The following QTMAN variants were observed in gnomAD, a reference collection of about 807,000 sequenced individuals.
QTMAN encodes the protein tRNA-queuosine alpha-mannosyltransferase.
At chr2:144,059,287 A>C in the QTMAN span, among the ~76,000 whole-genome samples, 8 of 152,130 alleles carry the variant, frequency 5.3e-5, no homozygotes, top group Admixed American at 5.2e-4. Flanking sequence ...CAACTCCTAC[A>C]CATCCTTTAA....
the QTMAN span, among the ~76,000 whole-genome samples, chr2:143,953,701 C>T: frequency 1.9e-3 from 290 of 151,844 alleles, no homozygotes; most frequent in Non-Finnish European, 3.6e-3. Context: ...TTTCTGTTGG[C>T]TAGAAATTAT....
the QTMAN span, among the ~76,000 whole-genome samples, chr2:144,046,478 T>C: frequency 1.3e-5 from 2 of 152,202 alleles, no homozygotes; most frequent in Non-Finnish European, 2.9e-5. Context: ...CTCAAACCCC[T>C]GGGCTCAAGC....
At chr2:144,140,116 A>T in the QTMAN span, among the ~76,000 whole-genome samples, 11 of 152,110 alleles carry the variant, frequency 7.2e-5, no homozygotes, top group Admixed American at 1.3e-4. Context: ...GGTTGCATAA[A>T]GCAAATTACC....
the QTMAN span, chr2:143,952,639 A>G: frequency 2.8e-6 from 2 of 702,062 alleles, no homozygotes; most frequent in Non-Finnish European, 5.1e-6. Flanking sequence ...AACACATAAA[A>G]TTTTCCTTAA....
chr2:144,299,349 T>C, the QTMAN span, among the ~76,000 whole-genome samples: 1 of 152,206 alleles, frequency 6.6e-6, no homozygotes, highest in Non-Finnish European at 1.5e-5. Context: ...AAACCAGCTT[T>C]CTATAATTCT....
the QTMAN span, among the ~76,000 whole-genome samples, chr2:144,284,632 T>C: frequency 6.6e-6 from 1 of 152,164 alleles, no homozygotes; most frequent in Non-Finnish European, 1.5e-5. Context: ...ATTAGCATTT[T>C]CCACTAAATA....
At chr2:144,214,710 T>C in the QTMAN span, among the ~76,000 whole-genome samples, 4 of 152,206 alleles carry the variant, frequency 2.6e-5, no homozygotes, top group African/African-American at 9.6e-5. Context: ...TTGTAGAGAC[T>C]AAGAACTGAG....
At chr2:144,169,199 T>C in the QTMAN span, among the ~76,000 whole-genome samples, 1 of 152,152 alleles carries the variant, frequency 6.6e-6, no homozygotes, top group African/African-American at 2.4e-5. Context: ...GACCATTTAA[T>C]GGTCCAAGCA....
At chr2:143,997,761 A>G in the QTMAN span, among the ~76,000 whole-genome samples, 1 of 152,054 alleles carries the variant, frequency 6.6e-6, no homozygotes, top group Admixed American at 6.6e-5. Flanking sequence ...TGCATATAAG[A>G]TTTTTTTAAA....
chr2:144,023,407 C>A, the QTMAN span, among the ~76,000 whole-genome samples: 3 of 152,290 alleles, frequency 2.0e-5, no homozygotes, highest in South Asian at 6.2e-4. Flanking sequence ...CATGCAAACT[C>A]AAATCTCTGC....
At chr2:144,134,791 T>G in the QTMAN span, among the ~76,000 whole-genome samples, 40,382 of 152,052 alleles carry the variant, frequency 0.27, 6,518 homozygotes, top group East Asian at 0.38. Flanking sequence ...CTTAAACTCC[T>G]AAGGATATAG....
At chr2:144,320,012 A>G in the QTMAN span, 1 of 152,264 alleles carries the variant, frequency 6.6e-6, no homozygotes, top group Non-Finnish European at 1.5e-5. Context: ...AAAATCCGGC[A>G]TGCAACCTGT....
At chr2:144,025,001 T>C in the QTMAN span, among the ~76,000 whole-genome samples, 1 of 152,230 alleles carries the variant, frequency 6.6e-6, no homozygotes, top group Non-Finnish European at 1.5e-5. Context: ...AACTCCATTA[T>C]CGTAGGATGT....
At chr2:144,248,748 T>TAA in the QTMAN span, among the ~76,000 whole-genome samples, 3 of 143,544 alleles carry the variant, frequency 2.1e-5, no homozygotes, top group Non-Finnish European at 3.1e-5. Context: ...TTTTTTAACT[T>TAA]AAAAAAAAAA....
At chr2:144,254,219 C>T in the QTMAN span, among the ~76,000 whole-genome samples, 5 of 152,286 alleles carry the variant, frequency 3.3e-5, no homozygotes, top group South Asian at 1.0e-3. Context: ...GTCAGGAGTT[C>T]AAGACCAGCC....
chr2:144,123,281 T>A, the QTMAN span, among the ~76,000 whole-genome samples: 1 of 152,112 alleles, frequency 6.6e-6, no homozygotes, highest in Non-Finnish European at 1.5e-5. Context: ...TTTTCTGTCA[T>A]AAAGGTACAG....
the QTMAN span, among the ~76,000 whole-genome samples, chr2:144,212,391 G>A: frequency 6.6e-6 from 1 of 152,144 alleles, no homozygotes; most frequent in South Asian, 2.1e-4. Context: ...GAACCTGGGA[G>A]GCAGAGGTTG....
At chr2:144,070,022 C>A in the QTMAN span, among the ~76,000 whole-genome samples, 1 of 152,002 alleles carries the variant, frequency 6.6e-6, no homozygotes, top group South Asian at 2.1e-4. Context: ...AAGCAATACA[C>A]TTTATAGTTA....
At chr2:144,318,951 T>C in the QTMAN span, among the ~76,000 whole-genome samples, 1 of 152,164 alleles carries the variant, frequency 6.6e-6, no homozygotes, top group African/African-American at 2.4e-5. Flanking sequence ...ATACCAAAAG[T>C]AAGGACTCTC....
Sources: gnomAD v4.1 joint callset for allele counts (sites outside exome capture counted in the v4.1 genomes callset) on GRCh38, gnomAD v4.1.1 for gene constraint, MANE v1.5 for transcripts, NCBI Gene and HGNC (gene_info 2026-07-23, HGNC 2026-07-21) for gene names.